The following ASTL variants were observed in gnomAD, a reference collection of about 807,000 sequenced individuals.
ASTL encodes astacin like metalloendopeptidase.
ASTL carries 27 observed loss-of-function variants against 36.7 expected under a neutral mutation model. That is an observed-to-expected ratio of 0.73 (90% CI 0.54 to 1.01). ASTL has a LOEUF of 1.01. Ranked by LOEUF, ASTL falls within the 50% of genes least tolerant of loss-of-function variation. ASTL has a pLI of 0.00. For missense variants in ASTL, 524 were observed against 572.8 expected, an observed-to-expected ratio of 0.91 and a Z score of 0.87; for synonymous variants, 222 against 228.1, an observed-to-expected ratio of 0.97 and a Z score of 0.24.
chr2:96,132,567 G>T lies in ASTL; in HGVS notation c.610C>A (p.Arg204Ser), dbSNP rs143172084. Residue 204 changes from arginine (R) to serine (S), a missense_variant, in exon 6 of 9, where the codon CGT (arginine) becomes AGT (serine). Coordinates refer to ENST00000342380, the MANE Select transcript of ASTL (RefSeq NM_001002036.4). The surrounding 1 kb of genome is among the most constrained non-coding windows in gnomAD (Gnocchi z 5.4). The part of the protein sequence containing the change: ...HTRADRDRYI[R>S]VNWNEILPGF... ...GGCAGGATCTCGTTCCAGTTGACAC[G>T]GATATAGCGGTCCCGGTCGGCCCGC... The T allele has an allele frequency of 6.2e-7, 1 of 1,607,498 alleles. No homozygotes were observed. The highest frequency in any genetic ancestry group is 1.7e-5 in the Admixed American group (1 of 59,814).
chr2:96,132,816 A>T lies in ASTL; in HGVS notation c.456-95T>A, dbSNP rs1682211645. 10 of 1,171,490 alleles carry T rather than the reference A, an allele frequency of 8.5e-6. No homozygotes were observed. The South Asian group carries it at 1.3e-4, about 15-fold the overall frequency. 72.6% of individuals were successfully genotyped at this position (1,171,490 alleles called of 1,614,324 possible). A position where few individuals can be genotyped will look rare whatever the true frequency, so the allele number is the denominator to read the frequency against. On this transcript the variant is annotated intron_variant, in intron 5 of 8. Coordinates refer to ENST00000342380, the MANE Select transcript of ASTL (RefSeq NM_001002036.4). This position sits in a 1 kb window ranked among gnomAD's most constrained non-coding sequence, Gnocchi z 5.4. ...TCCCTCCCCACACAACACAAGATAG[A>T]CAAACTCCCAACAGGCAGGCCCCAC...
At chr2:96,137,765 G>C in intron 1 of ASTL, 65 bp from the exon 2 acceptor site, 1 of 1,533,918 alleles carries the variant, frequency 6.5e-7, no homozygotes, top group South Asian at 1.1e-5. Flanking sequence ...CCAGACAGCA[G>C]GACATGGGGT....
intron 4 of ASTL, 111 bp downstream of exon 4, chr2:96,133,854 T>G: frequency 1.3e-6 from 1 of 762,882 alleles, no homozygotes. Context: ...GTTCTTCGGG[T>G]GGGGAGGTGG....
At chr2:96,135,503 T>C (rs1682276988) in intron 2 of ASTL, 91 bp from the exon 3 acceptor site, 1 of 1,104,578 alleles carries the variant, frequency 9.1e-7, no homozygotes, top group Non-Finnish European at 1.3e-6. Flanking sequence ...CTTAAGTCTA[T>C]TCTTGTGTCT....
intron 2 of ASTL, among the ~76,000 whole-genome samples, chr2:96,135,861 C>T (rs1682285073): frequency 6.6e-6 from 1 of 152,206 alleles, no homozygotes; most frequent in Non-Finnish European, 1.5e-5. Context: ...CAGTCCCAAG[C>T]CCGGGTCCCT....
Position 96,124,075 on chromosome 2 carries a change from C to G in ASTL, c.1071G>C (p.Glu357Asp). Residue 357 changes from glutamate to aspartate, a missense_variant, in exon 9 of 9, where the codon GAG (glutamate) becomes GAC (aspartate). By Grantham distance (45) the Glu-to-Asp change is conservative (BLOSUM62 2). Coordinates refer to ENST00000342380, the MANE Select transcript of ASTL (RefSeq NM_001002036.4). This position sits in a 1 kb window ranked among gnomAD's most constrained non-coding sequence, Gnocchi z 4.1. ...ESPALKKLSA[E>D]ASARQPQTLA... ...GGGTCTGAGGCTGCCTTGCCGAGGC[C>G]TCTGCACTGAGCTTTTTCAGGGCAG... is the stretch of plus-strand genomic sequence containing the variant. 2 of 1,613,244 alleles carry G rather than the reference C, an allele frequency of 1.2e-6. No homozygotes were observed.
At chr2:96,133,617 G>T in intron 4 of ASTL, 75 bp from the exon 5 acceptor site, 2 of 1,079,480 alleles carry the variant, frequency 1.9e-6, no homozygotes, top group Non-Finnish European at 2.9e-6. Flanking sequence ...TGGGAGCAGA[G>T]CTCTGAACTC....
At chr2:96,127,798 A>G (rs1481544300) in intron 8 of ASTL, among the ~76,000 whole-genome samples, 2 of 150,876 alleles carry the variant, frequency 1.3e-5, no homozygotes, top group Non-Finnish European at 3.0e-5. Flanking sequence ...CTGGTTTTGA[A>G]CTCCTAAGCT....
chr2:96,122,996 A>G lies in ASTL; in HGVS notation c.*854T>C, dbSNP rs1681988636. 6.6e-6 allele frequency among the ~76,000 whole-genome samples: 1 copy of G among 152,244 alleles called. No homozygotes were observed. Among genetic ancestry groups the G allele is most frequent in the African/African-American group, 2.4e-5 (1 of 41,464 alleles). On this transcript the variant is annotated 3_prime_UTR_variant, in exon 9 of 9. Coordinates refer to ENST00000342380, the MANE Select transcript of ASTL (RefSeq NM_001002036.4). Reference sequence around the variant, plus strand: ...CCTGGATGCTTTCTTCATGCCTGGGACAAACCTCATGGGGAAAGCCGGAGC... The same window carrying G: ...CCTGGATGCTTTCTTCATGCCTGGGGCAAACCTCATGGGGAAAGCCGGAGC...
At position 96,129,847 on chromosome 2, in the gene ASTL, C is replaced by T. The variant is rs879922585; in HGVS notation, c.851G>A (p.Ser284Asn). The T allele has an allele frequency of 6.4e-7, 1 of 1,573,892 alleles. No homozygotes were observed. The highest frequency in any genetic ancestry group is 1.8e-5 in the Admixed American group (1 of 55,646). ...ACCTCTCCCACGGGGCCTGGGGCCACTTGGGCTGCAGCCGTAGAGTTTGAG... is the reference window on the plus strand; with the variant it reads ...ACCTCTCCCACGGGGCCTGGGGCCATTTGGGCTGCAGCCGTAGAGTTTGAG... ...RVLKLYGCSPSGPRPRGRGSH... is the reference protein window; with the variant it reads ...RVLKLYGCSPNGPRPRGRGSH... Residue 284 changes from serine (S) to asparagine (N), a missense_variant, in exon 8 of 9, where the codon AGT becomes AAT. Physicochemically the swap from Ser to Asn is conservative, Grantham distance 46. Coordinates refer to ENST00000342380, the MANE Select transcript of ASTL (RefSeq NM_001002036.4).
At chr2:96,133,776 C>T in intron 4 of ASTL, 189 bp downstream of exon 4, 2 of 648,840 alleles carry the variant, frequency 3.1e-6, no homozygotes, top group Non-Finnish European at 2.8e-6. Flanking sequence ...ACTCGACATA[C>T]CTTCCCATCA....
At position 96,128,230 on chromosome 2, in the gene ASTL, CA is replaced by C. The variant is rs541968437; in HGVS notation, c.874+1593del. ...CTGGGCAAAAAGAGTGAAACTGTCTCAAAAAAAAAAAAAAAAAGTCTATTTG... is the reference window on the plus strand; with the variant it reads ...CTGGGCAAAAAGAGTGAAACTGTCTCAAAAAAAAAAAAAAAAGTCTATTTG... On this transcript the variant is annotated intron_variant, in intron 8 of 8. Coordinates refer to ENST00000342380, the MANE Select transcript of ASTL (RefSeq NM_001002036.4). 6.3e-3 allele frequency among the ~76,000 whole-genome samples: 726 copies of C among 114,752 alleles called. 2 individuals carry two copies. The highest frequency in any genetic ancestry group is 0.016 in the African/African-American group (472 of 29,086). 75.3% of individuals were successfully genotyped at this position (114,752 alleles called of 152,430 possible).
intron 2 of ASTL, 27 bp downstream of exon 2, chr2:96,137,548 G>A (rs1380386576): frequency 1.9e-6 from 3 of 1,609,144 alleles, no homozygotes; most frequent in Admixed American, 1.7e-5. Flanking sequence ...TGCCCCTCCA[G>A]GCCGTGAGAA....
At chr2:96,134,836 G>A (rs896084445) in intron 3 of ASTL, among the ~76,000 whole-genome samples, 7 of 152,176 alleles carry the variant, frequency 4.6e-5, no homozygotes, top group Non-Finnish European at 8.8e-5. Flanking sequence ...CTGCCATCCT[G>A]GGCACAGTGT....
rs1243078800 is a variant in ASTL, at chr2:96,124,569, C to T, written c.875-298G>A. Among the ~76,000 whole-genome samples the T allele has an allele frequency of 3.3e-5, 5 of 152,134 alleles. No individual in the cohort carries two copies. The highest frequency in any genetic ancestry group is 7.2e-5 in the African/African-American group (3 of 41,422). ...TAAGTCACCTGACCCAGCACCAAAG[C>T]GCCCACCTTCCGGACCCTTCACCCA... On this transcript the variant is annotated intron_variant, in intron 8 of 8. Coordinates refer to ENST00000342380, the MANE Select transcript of ASTL (RefSeq NM_001002036.4). This position sits in a 1 kb window ranked among gnomAD's most constrained non-coding sequence, Gnocchi z 4.1.
Position 96,135,698 on chromosome 2 carries a change from G to A in ASTL, c.182-286C>T, listed in dbSNP as rs557630441. Among the ~76,000 whole-genome samples the A allele has an allele frequency of 9.2e-5, 14 of 152,326 alleles. No homozygotes were observed. In the South Asian group the frequency reaches 2.7e-3, roughly 29 times the overall value. On this transcript the variant is annotated intron_variant, in intron 2 of 8. Transcript: ENST00000342380. Reference sequence around the variant, plus strand: ...CAAAGACAAAGGAGACTGAGGCTTGGGGTCTGTCCCTCTCCTGACTGTGGA... The same window carrying A: ...CAAAGACAAAGGAGACTGAGGCTTGAGGTCTGTCCCTCTCCTGACTGTGGA...
chr2:96,130,183 A>C, intron 6 of ASTL, 38 bp from the exon 7 acceptor site: 3 of 1,534,226 alleles, frequency 2.0e-6, no homozygotes, highest in Non-Finnish European at 2.7e-6. Context: ...CTGATATATA[A>C]AGAGGGCAGG....
intron 4 of ASTL, 93 bp downstream of exon 4, chr2:96,133,872 G>T: frequency 1.2e-6 from 1 of 851,968 alleles, no homozygotes; most frequent in Non-Finnish European, 2.0e-6. Context: ...TGGAAGGGAT[G>T]TGATGGTGTA....
chr2:96,134,839 C>G (rs1682263063), intron 3 of ASTL, among the ~76,000 whole-genome samples: 1 of 152,240 alleles, frequency 6.6e-6, no homozygotes, highest in African/African-American at 2.4e-5. Context: ...CCATCCTGGG[C>G]ACAGTGTTCC....
Sources: gnomAD v4.1 joint callset for allele counts (sites outside exome capture counted in the v4.1 genomes callset) on GRCh38, gnomAD v4.1.1 for gene constraint, Gnocchi (gnomAD v3.1) non-coding constraint, MANE v1.5 for transcripts, NCBI Gene and HGNC (gene_info 2026-07-23, HGNC 2026-07-21) for gene names.